The following BFSP2 variants were observed in gnomAD, a reference collection of about 807,000 sequenced individuals.
BFSP2 encodes the protein phakinin.
BFSP2 carries 38 observed loss-of-function variants against 44.9 expected under a neutral mutation model. The observed-to-expected ratio is 0.85, with a 90% CI of 0.65 to 1.11. The LOEUF (loss-of-function observed/expected upper bound fraction) is 1.11. Ranked by LOEUF, BFSP2 falls within the 50% of genes least tolerant of loss-of-function variation. The probability of loss-of-function intolerance (pLI) is 0.00; values close to 1 mark genes in which losing one functional copy is unlikely to be tolerated. For synonymous variants in BFSP2, 197 were observed against 209.9 expected, an observed-to-expected ratio of 0.94 and a Z score of 0.53; for missense variants, 525 against 533.0, an observed-to-expected ratio of 0.99 and a Z score of 0.15.
intron 4 of BFSP2, among the ~76,000 whole-genome samples, chr3:133,462,251 A>G (rs6439408): frequency 0.18 from 28,081 of 152,208 alleles, 3,280 homozygotes; most frequent in African/African-American, 0.32. Flanking sequence ...TATTTGTAAA[A>G]AAAGAGTGAA....
intron 1 of BFSP2, among the ~76,000 whole-genome samples, chr3:133,401,437 T>C (rs556221294): frequency 3.9e-5 from 6 of 152,342 alleles, no homozygotes; most frequent in African/African-American, 1.4e-4. Flanking sequence ...CAGCCACAGG[T>C]AGCTAATGGC....
At chr3:133,450,140 G>T (rs1057139714) in intron 3 of BFSP2, among the ~76,000 whole-genome samples, 163 bp from the exon 4 acceptor site, 2 of 152,076 alleles carry the variant, frequency 1.3e-5, no homozygotes, top group East Asian at 1.9e-4. Flanking sequence ...TTACACTTAC[G>T]CTGGGAAGAA....
intron 4 of BFSP2, among the ~76,000 whole-genome samples, chr3:133,458,830 A>C (rs1050213328): frequency 6.6e-6 from 1 of 152,168 alleles, no homozygotes; most frequent in Admixed American, 6.5e-5. Context: ...GGGATCACCC[A>C]ACATTGCAAC....
At chr3:133,417,517 C>G in intron 1 of BFSP2, among the ~76,000 whole-genome samples, 1 of 77,232 alleles carries the variant, frequency 1.3e-5, no homozygotes, top group East Asian at 3.3e-4. Context: ...TCATCCCTTC[C>G]CTCGCTCCCA....
Position 133,469,541 on chromosome 3 carries a change from T to C in BFSP2, c.1023+2582T>C, listed in dbSNP as rs140472572. On this transcript the variant is annotated intron_variant, in intron 5 of 6. Transcript: ENST00000302334. ...CAGAAGTCACAGAAGGTCACTATTT[T>C]ACTTTCTGGAGGATTTTGCAATCCC... Among the ~76,000 whole-genome samples the C allele has an allele frequency of 3.1e-3, 470 of 152,340 alleles. 5 individuals carry two copies. Among genetic ancestry groups the C allele is most frequent in the African/African-American group, 0.01 (423 of 41,570 alleles).
intron 1 of BFSP2, among the ~76,000 whole-genome samples, chr3:133,402,257 A>G (rs2073368325): frequency 6.6e-6 from 1 of 152,222 alleles, no homozygotes; most frequent in African/African-American, 2.4e-5. Flanking sequence ...TTTATACTCA[A>G]TAGATACTGA....
chr3:133,420,993 C>T (rs865945678), intron 1 of BFSP2, among the ~76,000 whole-genome samples: 1 of 152,164 alleles, frequency 6.6e-6, no homozygotes, highest in Non-Finnish European at 1.5e-5. Flanking sequence ...GAGTCCATTT[C>T]CTTATCTACA....
At chr3:133,447,820 T>G (rs924799635) in intron 2 of BFSP2, among the ~76,000 whole-genome samples, 2 of 152,204 alleles carry the variant, frequency 1.3e-5, no homozygotes, top group Admixed American at 6.5e-5. Flanking sequence ...ACAGTAATGA[T>G]TCTCCAACCT....
chr3:133,432,167 A>G (rs1049435421), intron 1 of BFSP2, among the ~76,000 whole-genome samples: 6 of 152,200 alleles, frequency 3.9e-5, no homozygotes, highest in Admixed American at 1.3e-4. Context: ...CTGCTACAGC[A>G]TGGGCTTCTA....
At chr3:133,473,133 TG>T (rs1212719895) in intron 6 of BFSP2, among the ~76,000 whole-genome samples, 2 of 152,008 alleles carry the variant, frequency 1.3e-5, no homozygotes, top group African/African-American at 4.8e-5. Flanking sequence ...TCAGTACGTC[TG>T]GGGTGGGGTC....
chr3:133,425,311 A>C (rs2073633260), intron 1 of BFSP2, among the ~76,000 whole-genome samples: 1 of 152,226 alleles, frequency 6.6e-6, no homozygotes, highest in Non-Finnish European at 1.5e-5. Flanking sequence ...ACACTGGTCC[A>C]TCCCTGTTAC....
intron 1 of BFSP2, among the ~76,000 whole-genome samples, chr3:133,437,594 G>A (rs561344052): frequency 1.4e-5 from 2 of 143,388 alleles, no homozygotes; most frequent in African/African-American, 5.2e-5. Context: ...AGGAAGGAAG[G>A]AAGGAGAAGA....
At chr3:133,450,128 A>G (rs2073947805) in intron 3 of BFSP2, among the ~76,000 whole-genome samples, 175 bp from the exon 4 acceptor site, 1 of 151,976 alleles carries the variant, frequency 6.6e-6, no homozygotes, top group African/African-American at 2.4e-5. Context: ...GGAAAAGAGA[A>G]ATTACACTTA....
At chr3:133,445,405 C>A (rs2073888306) in intron 1 of BFSP2, 1 of 152,196 alleles carries the variant, frequency 6.6e-6, no homozygotes, top group African/African-American at 2.4e-5. Context: ...TGGGACCCAC[C>A]TGCAGAGATT....
intron 4 of BFSP2, among the ~76,000 whole-genome samples, chr3:133,459,401 C>T (rs1415209269): frequency 1.3e-5 from 2 of 152,100 alleles, no homozygotes; most frequent in East Asian, 3.9e-4. Flanking sequence ...ATTGCTGAGC[C>T]TCTTCAGCTG....
intron 1 of BFSP2, among the ~76,000 whole-genome samples, chr3:133,437,122 G>T (rs900960279): frequency 3.3e-5 from 5 of 152,196 alleles, no homozygotes; most frequent in African/African-American, 4.8e-5. Context: ...TATATATCCA[G>T]TAATGGGATG....
At chr3:133,412,833 C>T (rs2073469859) in intron 1 of BFSP2, among the ~76,000 whole-genome samples, 2 of 152,222 alleles carry the variant, frequency 1.3e-5, no homozygotes, top group African/African-American at 4.8e-5. Context: ...CTCAGGGGTT[C>T]TCTGAAATTC....
At chr3:133,449,972 G>GAAAGAAAGAAA (rs1559976005) in intron 3 of BFSP2, among the ~76,000 whole-genome samples, 3 of 114,598 alleles carry the variant, frequency 2.6e-5, no homozygotes, top group African/African-American at 1.1e-4. Context: ...AGAGAAAGAA[G>GAAAGAAAGAAA]GAAAGAAGGA....
rs1432305737 is a variant in BFSP2 at position 133,400,196 on chromosome 3, GC to G, written c.119del (p.Pro40GlnfsTer8). 1.9e-6 allele frequency: 3 copies of G among 1,614,066 alleles called. No homozygotes were observed. Among genetic ancestry groups the G allele is most frequent in the Middle Eastern group, 3.3e-4 (2 of 6,062 alleles). On this transcript the variant is annotated frameshift_variant, in exon 1 of 7. Coordinates refer to ENST00000302334, the MANE Select transcript of BFSP2 (RefSeq NM_003571.4). LOFTEE classifies it high-confidence loss of function. The surrounding 1 kb of genome is among the most constrained non-coding windows in gnomAD (Gnocchi z 4.0). ...CCACGGTCATCATCCTCCCTGGAGA[GC>G]CCCCCAGCCTCCAGGACCAATGCCA... Reference protein sequence around the residue: ...RGPRSSSSLESPPASRTNAMS... With the variant: ...RGPRSSSSLEXPPASRTNAMS...
Sources: gnomAD v4.1 joint callset for allele counts (sites outside exome capture counted in the v4.1 genomes callset) on GRCh38, gnomAD v4.1.1 for gene constraint, Gnocchi (gnomAD v3.1) non-coding constraint, MANE v1.5 for transcripts, NCBI Gene and HGNC (gene_info 2026-07-23, HGNC 2026-07-21) for gene names.